Variants in FSTL5 observed in about 807,000 individuals in gnomAD.
The protein encoded by FSTL5 is follistatin like 5.
A neutral mutation model predicts 89.1 loss-of-function variants in FSTL5; 62 were observed. The observed-to-expected ratio is 0.70, with a 90% CI of 0.57 to 0.86. The LOEUF (loss-of-function observed/expected upper bound fraction) is 0.86, where lower values mean the gene tolerates loss of function less well. FSTL5 is among the 40% of genes least tolerant of loss of function. The pLI is 0.00. For missense variants in FSTL5, 1,057 were observed against 1,001.6 expected (o/e 1.06, Z -0.75); for synonymous variants, 383 against 346.2 (o/e 1.11, Z -1.18).
At chr4:162,017,616 C>T (rs1356285964) in intron 3 of FSTL5, among the ~76,000 whole-genome samples, 1 of 152,070 alleles carries the variant, frequency 6.6e-6, no homozygotes, top group Admixed American at 6.5e-5. Context: ...CTGGCTTTCA[C>T]GTTGTTCGTT....
intron 2 of FSTL5, among the ~76,000 whole-genome samples, chr4:162,053,404 C>T (rs1738444568): frequency 6.6e-6 from 1 of 151,724 alleles, no homozygotes; most frequent in African/African-American, 2.4e-5. Context: ...CAGAGAAGCG[C>T]TTCATCTTTG....
At chr4:161,562,027 G>T (rs941518487) in intron 8 of FSTL5, among the ~76,000 whole-genome samples, 2 of 151,988 alleles carry the variant, frequency 1.3e-5, no homozygotes, top group African/African-American at 4.8e-5. Flanking sequence ...AGAATCTCAG[G>T]ACACCCACCT....
At chr4:162,123,971 G>A (rs895089095) in intron 1 of FSTL5, among the ~76,000 whole-genome samples, 1 of 152,000 alleles carries the variant, frequency 6.6e-6, no homozygotes, top group African/African-American at 2.4e-5. Flanking sequence ...TCCAGGCACA[G>A]TTACACCATG....
intron 4 of FSTL5, among the ~76,000 whole-genome samples, chr4:161,809,302 A>G (rs1226617966): frequency 6.6e-6 from 1 of 152,144 alleles, no homozygotes; most frequent in Non-Finnish European, 1.5e-5. Context: ...GATGACCACT[A>G]TTTTTCAAGG....
chr4:161,545,628 T>A (rs1006302340), intron 8 of FSTL5, among the ~76,000 whole-genome samples: 57 of 151,956 alleles, frequency 3.8e-4, no homozygotes, highest in African/African-American at 1.4e-3. Flanking sequence ...CTTAGTATTG[T>A]GGTCCCACAA....
intron 3 of FSTL5, among the ~76,000 whole-genome samples, chr4:161,994,133 G>A (rs13128413): frequency 0.34 from 51,345 of 151,952 alleles, 9,989 homozygotes; most frequent in Non-Finnish European, 0.42. Context: ...ACTTATAAGT[G>A]AGAACATGTG....
intron 2 of FSTL5, among the ~76,000 whole-genome samples, chr4:162,048,035 G>A (rs1738252563): frequency 6.6e-6 from 1 of 152,018 alleles, no homozygotes; most frequent in African/African-American, 2.4e-5. Context: ...TCATGTTAAA[G>A]CCTATTCCCA....
chr4:162,114,364 C>G (rs1731554100), intron 1 of FSTL5, among the ~76,000 whole-genome samples: 1 of 152,130 alleles, frequency 6.6e-6, no homozygotes, highest in African/African-American at 2.4e-5. Context: ...CTTCTGTTGT[C>G]CACGAGGAGA....
At position 162,134,119 on chromosome 4, in the gene FSTL5, A is replaced by G. The variant is rs1179287685; in HGVS notation, c.-16-22707T>C. Reference sequence around the variant, plus strand: ...TTCTTAGAGCTCTAATTTCTAGTTGATACTTCCCGTGATTCTTCCTTTTTA... The same window carrying G: ...TTCTTAGAGCTCTAATTTCTAGTTGGTACTTCCCGTGATTCTTCCTTTTTA... On this transcript the variant is annotated intron_variant, in intron 1 of 15. Coordinates refer to ENST00000306100, the MANE Select transcript of FSTL5 (RefSeq NM_020116.5). 2.6e-5 allele frequency among the ~76,000 whole-genome samples: 4 copies of G among 152,132 alleles called. No individual in the cohort carries two copies. The East Asian group carries it at 7.7e-4, about 29-fold the overall frequency.
At chr4:161,600,196 CACAA>C (rs1554001307) in intron 7 of FSTL5, among the ~76,000 whole-genome samples, 1 of 150,758 alleles carries the variant, frequency 6.6e-6, no homozygotes, top group South Asian at 2.1e-4. Flanking sequence ...CACACACACA[CACAA>C]ACAGTATGCC....
At chr4:162,099,055 G>A (rs1355360109) in intron 2 of FSTL5, among the ~76,000 whole-genome samples, 1 of 151,808 alleles carries the variant, frequency 6.6e-6, no homozygotes, top group Non-Finnish European at 1.5e-5. Context: ...ATTTTTAGGT[G>A]CATGTGATAG....
chr4:161,578,069 C>T (rs747082142), intron 8 of FSTL5, among the ~76,000 whole-genome samples: 3 of 151,922 alleles, frequency 2.0e-5, no homozygotes, highest in Non-Finnish European at 4.4e-5. Context: ...CAATGTTCAG[C>T]ATTCAATACA....
At chr4:161,472,061 C>T (rs1201472633) in intron 13 of FSTL5, among the ~76,000 whole-genome samples, 1 of 150,984 alleles carries the variant, frequency 6.6e-6, no homozygotes, top group African/African-American at 2.4e-5. Context: ...ACCACAAGCT[C>T]CACCTCCCGG....
At chr4:161,510,494 T>A (rs1196535448) in intron 10 of FSTL5, 70 bp from the exon 11 acceptor site, 3 of 836,450 alleles carry the variant, frequency 3.6e-6, no homozygotes, top group Non-Finnish European at 5.5e-6. Context: ...TATGGTAATA[T>A]AAATATTATT....
At chr4:161,651,382 A>G (rs1041489061) in intron 7 of FSTL5, among the ~76,000 whole-genome samples, 8 of 151,682 alleles carry the variant, frequency 5.3e-5, no homozygotes, top group Non-Finnish European at 4.4e-5. Flanking sequence ...AGTGGCTATT[A>G]TAACTAGATA....
At chr4:161,431,151 A>C (rs1732351254) in intron 15 of FSTL5, among the ~76,000 whole-genome samples, 1 of 152,220 alleles carries the variant, frequency 6.6e-6, no homozygotes, top group South Asian at 2.1e-4. Flanking sequence ...GAAAAACATA[A>C]AATTTGGTAA....
At chr4:161,714,817 GATTA>G (rs1407309767) in intron 6 of FSTL5, among the ~76,000 whole-genome samples, 2 of 152,014 alleles carry the variant, frequency 1.3e-5, no homozygotes, top group African/African-American at 4.8e-5. Context: ...GCTTTTAGTA[GATTA>G]ATTGAGATTT....
At chr4:161,498,210 T>C (rs532776441) in intron 12 of FSTL5, among the ~76,000 whole-genome samples, 24 of 152,208 alleles carry the variant, frequency 1.6e-4, no homozygotes, top group African/African-American at 5.3e-4. Context: ...TTAGTTGTTT[T>C]AGGAGGACAT....
chr4:161,408,789 A>G lies in FSTL5; in HGVS notation c.1842-22340T>C, dbSNP rs996871131. On this transcript the variant is annotated intron_variant, in intron 15 of 15. Coordinates refer to ENST00000306100, the MANE Select transcript of FSTL5 (RefSeq NM_020116.5). ...ACAAGAATTGTATAATACAATCAGA[A>G]GTATTAGCAGCGGAAGTTGAGGAAA... Among the ~76,000 whole-genome samples the G allele has an allele frequency of 5.9e-5, 9 of 152,334 alleles. No individual in the cohort carries two copies. The South Asian group carries it at 8.3e-4, about 14-fold the overall frequency.
Sources: allele counts gnomAD v4.1 joint callset (sites outside exome capture counted in the v4.1 genomes callset), GRCh38; gene constraint gnomAD v4.1.1; transcripts MANE v1.5; gene names NCBI Gene and HGNC (gene_info 2026-07-23, HGNC 2026-07-21).